Variants in KNL1 observed in about 807,000 individuals in gnomAD.
The protein encoded by KNL1 is kinetochore scaffold 1, also known as outer kinetochore KNL1 complex subunit KNL1.
KNL1 carries 66 observed loss-of-function variants against 201.3 expected under a neutral mutation model. The observed-to-expected ratio is 0.33, with a 90% CI of 0.27 to 0.40. The LOEUF (loss-of-function observed/expected upper bound fraction) is 0.40. Ranked by LOEUF, KNL1 falls within the 10% of genes least tolerant of loss-of-function variation. The probability of loss-of-function intolerance (pLI) is 1.00; values close to 1 mark genes in which losing one functional copy is unlikely to be tolerated. For missense variants in KNL1, 2,815 were observed against 2,690.5 expected (o/e 1.05, Z -1.02); for synonymous variants, 895 against 899.2 (o/e 1.00, Z 0.08).
At chr15:40,661,769 G>A (rs907459251) in intron 25 of KNL1, among the ~76,000 whole-genome samples, 12 of 151,944 alleles carry the variant, frequency 7.9e-5, no homozygotes, top group Non-Finnish European at 1.5e-4. Flanking sequence ...CTGGCTGGGC[G>A]CGGTGGCTCA....
chr15:40,643,981 TG>T (rs1206183707), intron 14 of KNL1, among the ~76,000 whole-genome samples: 1 of 152,118 alleles, frequency 6.6e-6, no homozygotes, highest in African/African-American at 2.4e-5. Flanking sequence ...TCCACACTTG[TG>T]GGTATTTCTA....
At chr15:40,602,543 A>T (rs924426457) in intron 1 of KNL1, among the ~76,000 whole-genome samples, 1 of 134,582 alleles carries the variant, frequency 7.4e-6, no homozygotes, top group African/African-American at 2.9e-5. Context: ...CTGGAGTGCA[A>T]TGGAGTGATC....
At chr15:40,598,632 A>T (rs114260705) in intron 1 of KNL1, among the ~76,000 whole-genome samples, 190 of 152,208 alleles carry the variant, frequency 1.2e-3, no homozygotes, top group African/African-American at 4.5e-3. Context: ...TTGGGGATAT[A>T]TATTGGAAAT....
intron 13 of KNL1, among the ~76,000 whole-genome samples, chr15:40,633,046 A>T (rs541191862): frequency 6.6e-6 from 1 of 152,056 alleles, no homozygotes; most frequent in Admixed American, 6.6e-5. Flanking sequence ...ATTTTTATGG[A>T]GGCCAGGCAT....
At chr15:40,641,092 G>GT in intron 14 of KNL1, 65 bp downstream of exon 14, 1 of 1,107,598 alleles carries the variant, frequency 9.0e-7, no homozygotes, top group Non-Finnish European at 1.3e-6. Context: ...AGTTTGTGTG[G>GT]TAAGGTTTTG....
chr15:40,628,722 A>G (rs1291303120), intron 12 of KNL1, 44 bp downstream of exon 12: 1 of 1,294,536 alleles, frequency 7.7e-7, no homozygotes, highest in Admixed American at 2.1e-5. Context: ...TAAAGAAAAG[A>G]GGTTTAAACG....
intron 6 of KNL1, among the ~76,000 whole-genome samples, chr15:40,611,131 G>C (rs1302427766): frequency 6.8e-6 from 1 of 147,900 alleles, no homozygotes; most frequent in Non-Finnish European, 1.5e-5. Context: ...TTGAGACAGA[G>C]TCTTGCTTGC....
intron 10 of KNL1, among the ~76,000 whole-genome samples, chr15:40,627,388 C>T (rs1336977521): frequency 6.6e-6 from 1 of 151,920 alleles, no homozygotes; most frequent in African/African-American, 2.4e-5. Flanking sequence ...GTGGCGAGCA[C>T]CTGTAGTTCC....
chr15:40,599,584 G>A (rs114217803), intron 1 of KNL1, among the ~76,000 whole-genome samples: 5 of 151,444 alleles, frequency 3.3e-5, no homozygotes, highest in African/African-American at 7.3e-5. Context: ...GGGTTTTGCC[G>A]TGTTGTCCAG....
At chr15:40,594,682 T>C (rs1442097013) in intron 1 of KNL1, among the ~76,000 whole-genome samples, 1 of 152,244 alleles carries the variant, frequency 6.6e-6, no homozygotes, top group Admixed American at 6.5e-5. Flanking sequence ...CTTGGCGTCC[T>C]CTTCCGCCCC....
In KNL1 at chr15:40,623,630, G is replaced by A. The variant is rs568682605; in HGVS notation, c.3366G>A (p.Gly1122=). 8.1e-6 allele frequency: 13 copies of A among 1,613,608 alleles called. No individual in the cohort carries two copies. Among genetic ancestry groups the A allele is most frequent in the Non-Finnish European group, 1.0e-5 (12 of 1,179,884 alleles). ...CTAAAACTATTTTGTATTCATGTGG[G>A]CAGGATGACATGGAGATCACTAGGA... is the stretch of plus-strand genomic sequence containing the variant. ...GASKTILYSC[G]QDDMEITRSH... Residue 1122 remains glycine (G), a synonymous_variant, in exon 10 of 26, where the codon GGG becomes GGA. Transcript: ENST00000399668.
At chr15:40,634,418 T>C (rs1264391195) in intron 13 of KNL1, among the ~76,000 whole-genome samples, 1 of 152,232 alleles carries the variant, frequency 6.6e-6, no homozygotes, top group African/African-American at 2.4e-5. Context: ...GAATATACTT[T>C]AAAATTCGTT....
chr15:40,623,637 G>A lies in KNL1; in HGVS notation c.3373G>A (p.Asp1125Asn). ...TATTTTGTATTCATGTGGGCAGGAT[G>A]ACATGGAGATCACTAGGAGTCACAC... is the stretch of plus-strand genomic sequence containing the variant. Reference protein sequence around the residue: ...KTILYSCGQDDMEITRSHTTA... With the variant: ...KTILYSCGQDNMEITRSHTTA... Residue 1125 changes from aspartate to asparagine, a missense_variant, in exon 10 of 26, where the codon GAC becomes AAC. This residue lies in a region of KNL1 where 2,464 missense variants were observed against 2,291.7 expected (regional missense o/e 1.08). Coordinates refer to ENST00000399668, the MANE Select transcript of KNL1 (RefSeq NM_144508.5). 6.2e-7 allele frequency: 1 copy of A among 1,613,844 alleles called. No homozygotes were observed. Among genetic ancestry groups the A allele is most frequent in the Non-Finnish European group, 8.5e-7 (1 of 1,179,898 alleles).
At chr15:40,626,885 GTTTA>G (rs1185165864) in intron 10 of KNL1, among the ~76,000 whole-genome samples, 4 of 150,174 alleles carry the variant, frequency 2.7e-5, no homozygotes, top group African/African-American at 7.4e-5. Context: ...CCATAATGGC[GTTTA>G]TTTATTTATT....
chr15:40,602,627 C>T (rs1374046588), intron 1 of KNL1, among the ~76,000 whole-genome samples: 2 of 151,740 alleles, frequency 1.3e-5, no homozygotes, highest in African/African-American at 4.8e-5. Flanking sequence ...GCTGGGGTTA[C>T]AGGCATGCGC....
intron 1 of KNL1, among the ~76,000 whole-genome samples, chr15:40,595,135 A>C (rs1443876570): frequency 1.3e-5 from 2 of 152,260 alleles, no homozygotes; most frequent in Non-Finnish European, 2.9e-5. Flanking sequence ...AGCTTATTCC[A>C]GTCTAGATAT....
At chr15:40,602,031 GTTTTTGTTTTTTTTTTGAGACGGAGTCT>G (rs1322097505) in intron 1 of KNL1, among the ~76,000 whole-genome samples, 2 of 145,396 alleles carry the variant, frequency 1.4e-5, no homozygotes, top group Non-Finnish European at 3.0e-5. Context: ...TTTTTGTTTT[GTTTTTGTTTTTTTTTTGAGACGGAGTCT>G]TGCTCTTTCG....
intron 1 of KNL1, among the ~76,000 whole-genome samples, chr15:40,596,423 C>G (rs1285194921): frequency 6.6e-6 from 1 of 152,062 alleles, no homozygotes; most frequent in Non-Finnish European, 1.5e-5. Context: ...ATTATAGGCA[C>G]CCGCCACCAT....
intron 13 of KNL1, among the ~76,000 whole-genome samples, chr15:40,633,892 A>C (rs560046835): frequency 3.9e-5 from 6 of 152,224 alleles, no homozygotes; most frequent in African/African-American, 1.4e-4. Flanking sequence ...GTTAACTGTA[A>C]AACAGCCTCA....
Sources: allele counts gnomAD v4.1 joint callset (sites outside exome capture counted in the v4.1 genomes callset), GRCh38; gene constraint gnomAD v4.1.1; regional missense constraint gnomAD v4.1.1; transcripts MANE v1.5; gene names NCBI Gene and HGNC (gene_info 2026-07-23, HGNC 2026-07-21).